Variants in COL24A1 observed in about 807,000 individuals in gnomAD.
The protein encoded by COL24A1 is collagen type XXIV alpha 1 chain.
In COL24A1, 224 loss-of-function variants were observed where a neutral mutation model predicts 253.9. That is an observed-to-expected ratio of 0.88 (90% confidence interval 0.79 to 0.99). The LOEUF (loss-of-function observed/expected upper bound fraction) is 0.99, where lower values mean the gene tolerates loss of function less well. Ranked by LOEUF, COL24A1 falls within the 50% of genes least tolerant of loss-of-function variation. The probability of loss-of-function intolerance (pLI) is 0.00; values close to 1 mark genes in which losing one functional copy is unlikely to be tolerated. For synonymous variants in COL24A1, 685 were observed against 673.7 expected, an observed-to-expected ratio of 1.02 and a Z score of -0.26; for missense variants, 2,131 against 2,068.5, an observed-to-expected ratio of 1.03 and a Z score of -0.59.
chr1:86,125,519 G>C lies in COL24A1; in HGVS notation c.817C>G (p.Leu273Val). 1 of 1,613,614 alleles carries C rather than the reference G, an allele frequency of 6.2e-7. No individual in the cohort carries two copies. Among genetic ancestry groups the C allele is most frequent in the African/African-American group, 1.3e-5 (1 of 74,996 alleles). The change falls in exon 3 of 60, where the codon CTA becomes GTA. Residue 273 changes from leucine to valine, a missense_variant. Coordinates refer to ENST00000370571, the MANE Select transcript of COL24A1 (RefSeq NM_152890.7). ...TCTGACAGTACTTTTTCAGCAAATA[G>C]TTTGGGCGGGGGAGAGTGTTCCGGT... ...KIPEHSPPPK[L>V]FAEKVLSEDT...
chr1:85,836,671 A>T (rs1247663677), intron 43 of COL24A1, among the ~76,000 whole-genome samples: 1 of 152,192 alleles, frequency 6.6e-6, no homozygotes, highest in African/African-American at 2.4e-5. Flanking sequence ...CAAGATGGCT[A>T]ACTGTTTAGC....
intron 20 of COL24A1, among the ~76,000 whole-genome samples, chr1:85,985,190 C>T (rs1460745207): frequency 2.6e-5 from 4 of 151,356 alleles, no homozygotes; most frequent in Non-Finnish European, 4.4e-5. Context: ...TTGGGAGGAA[C>T]AGAAAAAGCT....
intron 45 of COL24A1, among the ~76,000 whole-genome samples, chr1:85,818,329 G>A (rs1570742547): frequency 6.6e-6 from 1 of 152,170 alleles, no homozygotes; most frequent in Non-Finnish European, 1.5e-5. Context: ...AATTTAAACT[G>A]TACTTCTAAA....
Position 86,156,369 on chromosome 1 carries a change from G to C in COL24A1, c.28C>G (p.Arg10Gly). The change falls in exon 1 of 60, where the codon CGT becomes GGT. Residue 10 changes from arginine (R) to glycine (G), a missense_variant. By Grantham distance (125) the Arg-to-Gly change is moderately radical (BLOSUM62 -2). Coordinates refer to ENST00000370571, the MANE Select transcript of COL24A1 (RefSeq NM_152890.7). The part of the protein sequence containing the change: MHLRAHRTR[R>G]GKVSPTAKTK... ...TTTGCCGTGGGGGAGACTTTTCCACGCCTTGTTCTGTGGGCTCTTAAATGC... is the reference window on the plus strand; with the variant it reads ...TTTGCCGTGGGGGAGACTTTTCCACCCCTTGTTCTGTGGGCTCTTAAATGC... The C allele has an allele frequency of 6.2e-7, 1 of 1,612,938 alleles. No homozygotes were observed. The highest frequency in any genetic ancestry group is 8.5e-7 in the Non-Finnish European group (1 of 1,179,526).
At chr1:86,080,940 G>A (rs1183749087) in intron 7 of COL24A1, among the ~76,000 whole-genome samples, 5 of 152,064 alleles carry the variant, frequency 3.3e-5, no homozygotes, top group African/African-American at 1.2e-4. Context: ...ATTGTACAAT[G>A]CAATCTTAAT....
At chr1:86,066,033 TAG>T (rs1229595492) in intron 7 of COL24A1, among the ~76,000 whole-genome samples, 1 of 152,042 alleles carries the variant, frequency 6.6e-6, no homozygotes, top group Non-Finnish European at 1.5e-5. Context: ...GCAGAGAAAG[TAG>T]ATAAGCACTG....
chr1:86,013,796 A>T (rs1011732825), intron 19 of COL24A1, among the ~76,000 whole-genome samples: 2 of 152,206 alleles, frequency 1.3e-5, no homozygotes, highest in African/African-American at 4.8e-5. Flanking sequence ...AGACGGCACC[A>T]CTGCATTCCA....
Position 85,744,787 on chromosome 1 carries a change from T to A in COL24A1, c.4551A>T (p.Ile1517=). 1 of 1,611,360 alleles carries A rather than the reference T, an allele frequency of 6.2e-7. No homozygotes were observed. Among genetic ancestry groups the A allele is most frequent in the South Asian group, 1.1e-5 (1 of 90,846 alleles). Residue 1517 remains isoleucine, a synonymous_variant, in exon 57 of 60, where the codon ATA becomes ATT. Transcript: ENST00000370571. ...EVTLIDHSEE[I]FKTLNYLSNL... ...TGCTAAGGTAGTTCAGGGTTTTGAA[T>A]ATCTCTTCACTGTGGTCAATTAAAG...
chr1:86,085,642 C>T (rs764652098), intron 7 of COL24A1, among the ~76,000 whole-genome samples: 1 of 152,164 alleles, frequency 6.6e-6, no homozygotes, highest in Non-Finnish European at 1.5e-5. Flanking sequence ...AGAATTAGGA[C>T]TCTTGTCTTC....
At chr1:85,779,358 A>C (rs1355588405) in intron 52 of COL24A1, among the ~76,000 whole-genome samples, 1 of 151,834 alleles carries the variant, frequency 6.6e-6, no homozygotes, top group Non-Finnish European at 1.5e-5. Flanking sequence ...AAAAATTCTT[A>C]TTTTTGCCAC....
chr1:86,107,680 GCC>G (rs1705132703), intron 5 of COL24A1, among the ~76,000 whole-genome samples: 1 of 151,782 alleles, frequency 6.6e-6, no homozygotes, highest in South Asian at 2.1e-4. Context: ...GACTACAGGC[GCC>G]TCCCACCACG....
intron 24 of COL24A1, among the ~76,000 whole-genome samples, chr1:85,946,385 T>A (rs1306040854): frequency 1.3e-5 from 2 of 152,090 alleles, no homozygotes; most frequent in Non-Finnish European, 2.9e-5. Context: ...TACTCATGGG[T>A]AAGATTCATT....
At chr1:86,038,576 T>C (rs937297871) in intron 12 of COL24A1, among the ~76,000 whole-genome samples, 1 of 152,166 alleles carries the variant, frequency 6.6e-6, no homozygotes, top group African/African-American at 2.4e-5. Flanking sequence ...ATTCATGCTG[T>C]TATGTAGTCC....
intron 43 of COL24A1, among the ~76,000 whole-genome samples, chr1:85,830,386 C>A (rs1244130540): frequency 6.6e-6 from 1 of 152,128 alleles, no homozygotes; most frequent in Non-Finnish European, 1.5e-5. Flanking sequence ...TCTGTCTGTG[C>A]CCTGCCCCCA....
At chr1:85,942,060 T>C (rs1252715167) in intron 24 of COL24A1, among the ~76,000 whole-genome samples, 1 of 152,178 alleles carries the variant, frequency 6.6e-6, no homozygotes, top group East Asian at 1.9e-4. Context: ...GTTTAAGTTA[T>C]GAAAAAATAA....
At chr1:86,016,651 T>C (rs10493788) in intron 19 of COL24A1, among the ~76,000 whole-genome samples, 10,559 of 152,324 alleles carry the variant, frequency 0.069, 452 homozygotes, top group Middle Eastern at 0.11. Flanking sequence ...GAAGCTTATG[T>C]TCTATATAGA....
rs1487373819 is a variant in COL24A1 at position 85,847,690 on chromosome 1, C to T, written c.3437G>A (p.Gly1146Asp). 3 of 1,613,678 alleles carry T rather than the reference C, an allele frequency of 1.9e-6. No individual in the cohort carries two copies. The highest frequency in any genetic ancestry group is 2.5e-6 in the Non-Finnish European group (3 of 1,179,718). Residue 1146 changes from glycine to aspartate, a missense_variant, in exon 39 of 60, where the codon GGT (glycine) becomes GAT (aspartate). Transcript: ENST00000370571. ...CACAGCACCTCTAGTTCCTCTGGCACCCTTAGGACCACTTTTCCCAATTTT... is the reference window on the plus strand; with the variant it reads ...CACAGCACCTCTAGTTCCTCTGGCATCCTTAGGACCACTTTTCCCAATTTT... ...PGKIGKSGPK[G>D]ARGTRGAVGH...
rs148662970 is a variant in COL24A1 at position 85,748,054 on chromosome 1, A to G, written c.4438-2548T>C. Among the ~76,000 whole-genome samples, 1,413 of 152,336 alleles carry G rather than the reference A, an allele frequency of 9.3e-3. 55 individuals carry two copies. The highest frequency in any genetic ancestry group is 0.062 in the Admixed American group (953 of 15,304). Reference sequence around the variant, plus strand: ...GGAAAACATAATGTTACTTATCAGGAAAACATAAGTACTGGGAATCTGTCA... The same window carrying G: ...GGAAAACATAATGTTACTTATCAGGGAAACATAAGTACTGGGAATCTGTCA... On this transcript the variant is annotated intron_variant, in intron 55 of 59. Transcript: ENST00000370571.
At chr1:86,019,774 C>G (rs1697328306) in intron 18 of COL24A1, among the ~76,000 whole-genome samples, 1 of 152,028 alleles carries the variant, frequency 6.6e-6, no homozygotes, top group South Asian at 2.1e-4. Context: ...TTTATTAGAA[C>G]AGTACAGAAA....
Sources: allele counts gnomAD v4.1 joint callset (sites outside exome capture counted in the v4.1 genomes callset), GRCh38; gene constraint gnomAD v4.1.1; transcripts MANE v1.5; gene names NCBI Gene and HGNC (gene_info 2026-07-23, HGNC 2026-07-21).